Variants in ITK observed in about 807,000 individuals in gnomAD.
ITK encodes IL2 inducible T cell kinase, also known as tyrosine-protein kinase ITK/TSK.
ITK carries 45 observed loss-of-function variants against 87.6 expected under a neutral mutation model. The ratio of observed to expected loss-of-function variants is 0.51; its 90% CI spans 0.40 to 0.66. The LOEUF (loss-of-function observed/expected upper bound fraction) is 0.66, where lower values mean the gene tolerates loss of function less well. ITK is among the 30% of genes least tolerant of loss of function. The pLI is 0.00. For synonymous variants in ITK, 303 were observed against 273.6 expected (o/e 1.11, Z -1.06); for missense variants, 605 against 766.3 (o/e 0.79, Z 2.48).
At chr5:157,200,982 G>A (rs1235031030) in intron 1 of ITK, among the ~76,000 whole-genome samples, 1 of 151,976 alleles carries the variant, frequency 6.6e-6, no homozygotes, top group African/African-American at 2.4e-5. Flanking sequence ...ATTTTTGTGT[G>A]GATAACAATT....
chr5:157,209,076 C>A, intron 2 of ITK, 83 bp downstream of exon 2: 1 of 937,186 alleles, frequency 1.1e-6, no homozygotes, highest in Non-Finnish European at 1.7e-6. Context: ...TGGTTCAAGC[C>A]TGTAATCCTA....
intron 1 of ITK, among the ~76,000 whole-genome samples, chr5:157,185,004 T>C (rs1261378511): frequency 6.6e-6 from 1 of 152,188 alleles, no homozygotes; most frequent in Non-Finnish European, 1.5e-5. Context: ...CCTTTTCCCT[T>C]TAGCCTACAG....
chr5:157,192,950 T>C (rs939202659), intron 1 of ITK, among the ~76,000 whole-genome samples: 1 of 152,174 alleles, frequency 6.6e-6, no homozygotes, highest in Non-Finnish European at 1.5e-5. Context: ...GAAACTTGGC[T>C]CACATTTGTA....
At chr5:157,211,799 T>G (rs1396584070) in intron 3 of ITK, among the ~76,000 whole-genome samples, 1 of 152,176 alleles carries the variant, frequency 6.6e-6, no homozygotes, top group Non-Finnish European at 1.5e-5. Flanking sequence ...TCACTTGCTA[T>G]GTACACTTGG....
At chr5:157,208,643 C>A (rs1253323217) in intron 1 of ITK, among the ~76,000 whole-genome samples, 1 of 152,026 alleles carries the variant, frequency 6.6e-6, no homozygotes, top group Non-Finnish European at 1.5e-5. Flanking sequence ...GGTACATGAC[C>A]CCGTGTCTCA....
chr5:157,189,028 A>G (rs1753700929), intron 1 of ITK, among the ~76,000 whole-genome samples: 1 of 152,202 alleles, frequency 6.6e-6, no homozygotes, highest in African/African-American at 2.4e-5. Flanking sequence ...TGAAGGTCAC[A>G]TAACTCATGT....
At chr5:157,205,955 T>C (rs1272558652) in intron 1 of ITK, among the ~76,000 whole-genome samples, 1 of 151,056 alleles carries the variant, frequency 6.6e-6, no homozygotes, top group Admixed American at 6.6e-5. Context: ...GCCTACTTGA[T>C]CATGTAAAAA....
chr5:157,198,268 T>C (rs31223), intron 1 of ITK, among the ~76,000 whole-genome samples: 59,358 of 152,086 alleles, frequency 0.39, 11,681 homozygotes, highest in Middle Eastern at 0.45. Context: ...CTCTGAAAAC[T>C]GTATGTAAGA....
chr5:157,193,397 C>T (rs1227365339), intron 1 of ITK, among the ~76,000 whole-genome samples: 7 of 152,204 alleles, frequency 4.6e-5, no homozygotes, highest in Non-Finnish European at 5.9e-5. Context: ...ACCCCAAGAA[C>T]GCACCCTAAA....
intron 3 of ITK, chr5:157,211,603 A>G (rs1363466910): frequency 9.1e-6 from 5 of 551,510 alleles, no homozygotes; most frequent in Admixed American, 6.1e-5. Context: ...CAATATTTGT[A>G]TATAACTCAT....
At chr5:157,216,319 AAG>A (rs1754297556) in intron 4 of ITK, among the ~76,000 whole-genome samples, 2 of 152,180 alleles carry the variant, frequency 1.3e-5, no homozygotes, top group East Asian at 3.9e-4. Context: ...CTGAGCCTCT[AAG>A]AGCATTTTCT....
chr5:157,196,389 G>A (rs1221566066), intron 1 of ITK, among the ~76,000 whole-genome samples: 1 of 152,102 alleles, frequency 6.6e-6, no homozygotes, highest in African/African-American at 2.4e-5. Context: ...TAGTACTTAA[G>A]TATAATTTAT....
intron 1 of ITK, among the ~76,000 whole-genome samples, chr5:157,185,529 C>G (rs958568893): frequency 6.6e-6 from 1 of 152,074 alleles, no homozygotes; most frequent in African/African-American, 2.4e-5. Flanking sequence ...TGTGAGCCAT[C>G]GCGCCTGGCC....
At position 157,180,947 on chromosome 5, in the gene ITK, C is replaced by T. The variant is rs773347606; in HGVS notation, c.-31C>T. On this transcript the variant is annotated 5_prime_UTR_variant, in exon 1 of 17. Transcript: ENST00000422843. ...CTTTGGTTGTGCTAAGAGGTGATGC[C>T]CAAGGTGCACCACCTTTCAAGAACT... is the stretch of plus-strand genomic sequence containing the variant. The T allele has an allele frequency of 3.7e-6, 6 of 1,609,728 alleles. 1 individual carries two copies. In the South Asian group the frequency reaches 5.5e-5, roughly 15 times the overall value.
At chr5:157,238,034 GC>G in intron 8 of ITK, 74 bp from the exon 9 acceptor site, 1 of 1,098,152 alleles carries the variant, frequency 9.1e-7, no homozygotes, top group Non-Finnish European at 1.4e-6. Context: ...CCTTCTGTGG[GC>G]AAGAAAGTGG....
intron 6 of ITK, among the ~76,000 whole-genome samples, 175 bp from the exon 7 acceptor site, chr5:157,228,121 G>A (rs931490622): frequency 1.3e-5 from 2 of 152,060 alleles, no homozygotes; most frequent in African/African-American, 4.8e-5. Flanking sequence ...TTACAGGCAT[G>A]AGCCACCGCC....
chr5:157,180,946 C>A lies in ITK; in HGVS notation c.-32C>A, dbSNP rs148134638. 2.3e-3 allele frequency: 3,682 copies of A among 1,611,142 alleles called. 51 individuals carry two copies. The African/African-American group carries it at 0.03, about 13-fold the overall frequency. On this transcript the variant is annotated 5_prime_UTR_variant, in exon 1 of 17. Transcript: ENST00000422843. ...CCTTTGGTTGTGCTAAGAGGTGATG[C>A]CCAAGGTGCACCACCTTTCAAGAAC... is the stretch of plus-strand genomic sequence containing the variant.
intron 12 of ITK, 103 bp downstream of exon 12, chr5:157,243,897 A>G (rs770122431): frequency 1.0e-5 from 11 of 1,090,732 alleles, no homozygotes; most frequent in Non-Finnish European, 1.5e-5. Context: ...TCCCTGCGCA[A>G]ACTCCCAGCA....
intron 7 of ITK, among the ~76,000 whole-genome samples, chr5:157,229,901 C>T (rs764685906): frequency 3.3e-5 from 5 of 152,132 alleles, no homozygotes; most frequent in South Asian, 2.1e-4. Flanking sequence ...GCAACAAGAG[C>T]GAAACTCCAT....
Sources: allele counts gnomAD v4.1 joint callset (sites outside exome capture counted in the v4.1 genomes callset), GRCh38; gene constraint gnomAD v4.1.1; transcripts MANE v1.5; gene names NCBI Gene and HGNC (gene_info 2026-07-23, HGNC 2026-07-21).